Variants in CDH13 observed in about 807,000 individuals in gnomAD.
The protein encoded by CDH13 is cadherin 13.
A neutral mutation model predicts 63.8 loss-of-function variants in CDH13; 24 were observed. That is an observed-to-expected ratio of 0.38 (90% CI 0.27 to 0.53). The LOEUF (loss-of-function observed/expected upper bound fraction) is 0.53, where lower values mean the gene tolerates loss of function less well. CDH13 is among the 20% of genes least tolerant of loss of function. The probability of loss-of-function intolerance (pLI) is 0.85; values close to 1 mark genes in which losing one functional copy is unlikely to be tolerated. For missense variants in CDH13, 1,049 were observed against 903.1 expected (o/e 1.16, Z -2.07); for synonymous variants, 503 against 355.3 (o/e 1.42, Z -4.67).
chr16:83,116,616 C>T (rs1403579030), intron 3 of CDH13, among the ~76,000 whole-genome samples: 2 of 152,284 alleles, frequency 1.3e-5, no homozygotes, highest in African/African-American at 4.8e-5. Flanking sequence ...CAGCCAGTGG[C>T]TGTGGTAAAG....
chr16:82,635,898 G>A (rs952518345), intron 1 of CDH13, among the ~76,000 whole-genome samples: 3 of 151,864 alleles, frequency 2.0e-5, no homozygotes, highest in Admixed American at 6.6e-5. Flanking sequence ...CCCCCTTTGC[G>A]CCCCCTCTCT....
At chr16:83,394,257 A>C (rs78367543) in intron 6 of CDH13, among the ~76,000 whole-genome samples, 20,955 of 152,090 alleles carry the variant, frequency 0.14, 1,869 homozygotes, top group Non-Finnish European at 0.2. Context: ...TTAAAAAAAA[A>C]AAACAAAAAA....
At chr16:82,992,538 G>C (rs12148970) in intron 2 of CDH13, among the ~76,000 whole-genome samples, 4,441 of 152,276 alleles carry the variant, frequency 0.029, 77 homozygotes, top group Middle Eastern at 0.065. Flanking sequence ...AACATTCTCA[G>C]AGACTAGAAT....
rs1271656587 is a variant in CDH13, at chr16:83,107,605, CTT to C, written c.367-17779_367-17778del. Among the ~76,000 whole-genome samples the C allele has an allele frequency of 1.1e-4, 16 of 152,226 alleles. No homozygotes were observed. The East Asian group carries it at 3.1e-3, about 29-fold the overall frequency. On this transcript the variant is annotated intron_variant, in intron 3 of 13. Coordinates refer to ENST00000567109, the MANE Select transcript of CDH13 (RefSeq NM_001257.5). ...TCCTATGTTTACACACTAGAGTCCT[CTT>C]CAGTGCAATGAGCATTCACAGTATG...
At chr16:82,741,646 A>G (rs899137596) in intron 1 of CDH13, among the ~76,000 whole-genome samples, 2 of 152,348 alleles carry the variant, frequency 1.3e-5, no homozygotes, top group South Asian at 4.1e-4. Flanking sequence ...GAGATTTTAA[A>G]AATAAGCATT....
chr16:83,420,647 T>C (rs765010370), intron 6 of CDH13, among the ~76,000 whole-genome samples: 1 of 152,190 alleles, frequency 6.6e-6, no homozygotes, highest in Non-Finnish European at 1.5e-5. Flanking sequence ...TATAAAAGGA[T>C]ATTTATCAGA....
At chr16:83,552,822 C>G (rs1044911370) in intron 7 of CDH13, among the ~76,000 whole-genome samples, 1 of 152,216 alleles carries the variant, frequency 6.6e-6, no homozygotes, top group African/African-American at 2.4e-5. Context: ...TGGCTCACAC[C>G]TGTAATCCAG....
At chr16:82,687,982 A>T (rs1055627957) in intron 1 of CDH13, among the ~76,000 whole-genome samples, 26 of 152,182 alleles carry the variant, frequency 1.7e-4, no homozygotes, top group African/African-American at 4.8e-4. Flanking sequence ...CCATTGCCAC[A>T]ATGAAACATG....
intron 1 of CDH13, among the ~76,000 whole-genome samples, chr16:82,750,670 C>G (rs540465497): frequency 6.6e-6 from 1 of 152,318 alleles, no homozygotes; most frequent in East Asian, 1.9e-4. Flanking sequence ...GGAAAAATAT[C>G]TGAAAGAATG....
At chr16:82,842,958 A>C (rs918232878) in intron 1 of CDH13, among the ~76,000 whole-genome samples, 1 of 152,184 alleles carries the variant, frequency 6.6e-6, no homozygotes, top group Non-Finnish European at 1.5e-5. Flanking sequence ...CTCAGGTGGT[A>C]ATGCAAGTGC....
intron 2 of CDH13, among the ~76,000 whole-genome samples, chr16:82,906,325 A>C (rs7186640): frequency 6.6e-6 from 1 of 151,882 alleles, no homozygotes; most frequent in Admixed American, 6.6e-5. Context: ...CCTTTAACAC[A>C]TGATTGGCCC....
intron 1 of CDH13, among the ~76,000 whole-genome samples, chr16:82,761,348 A>C (rs921157088): frequency 6.6e-6 from 1 of 152,116 alleles, no homozygotes; most frequent in Non-Finnish European, 1.5e-5. Context: ...GGAGGTGACA[A>C]ATATCCAAAT....
At chr16:82,885,192 T>C (rs892369502) in intron 2 of CDH13, among the ~76,000 whole-genome samples, 1 of 152,244 alleles carries the variant, frequency 6.6e-6, no homozygotes, top group Non-Finnish European at 1.5e-5. Context: ...ACTACTCTTA[T>C]GGCTTTGCAT....
intron 1 of CDH13, among the ~76,000 whole-genome samples, chr16:82,657,893 A>T (rs1289003945): frequency 6.6e-6 from 1 of 152,178 alleles, no homozygotes; most frequent in Non-Finnish European, 1.5e-5. Flanking sequence ...CTTTCCAATC[A>T]CTATACCTTT....
intron 1 of CDH13, among the ~76,000 whole-genome samples, chr16:82,843,889 G>A (rs1200830181): frequency 6.6e-6 from 1 of 152,196 alleles, no homozygotes; most frequent in Admixed American, 6.5e-5. Context: ...CACCATCAGT[G>A]AGGTCTTCGT....
intron 3 of CDH13, among the ~76,000 whole-genome samples, chr16:83,046,448 G>C (rs1039951203): frequency 2.0e-5 from 3 of 152,034 alleles, no homozygotes; most frequent in African/African-American, 7.2e-5. Flanking sequence ...AAAAAGGATA[G>C]AAAAAGAAAA....
intron 2 of CDH13, among the ~76,000 whole-genome samples, chr16:82,949,021 A>G (rs868805609): frequency 2.6e-5 from 4 of 152,166 alleles, no homozygotes; most frequent in Non-Finnish European, 5.9e-5. Context: ...AGAGTTTTCA[A>G]ATCTTTGGCA....
intron 1 of CDH13, among the ~76,000 whole-genome samples, chr16:82,801,273 T>C (rs1183797280): frequency 6.6e-6 from 1 of 152,200 alleles, no homozygotes; most frequent in African/African-American, 2.4e-5. Flanking sequence ...ATCAGCCTGT[T>C]TCTGTTAACC....
intron 3 of CDH13, among the ~76,000 whole-genome samples, chr16:83,057,748 C>T (rs2031094219): frequency 6.6e-6 from 1 of 152,122 alleles, no homozygotes. Context: ...TAATTTTAAA[C>T]CGTCTAAGAT....
Sources: gnomAD v4.1 joint callset for allele counts (sites outside exome capture counted in the v4.1 genomes callset) on GRCh38, gnomAD v4.1.1 for gene constraint, MANE v1.5 for transcripts, NCBI Gene and HGNC (gene_info 2026-07-23, HGNC 2026-07-21) for gene names.